Variants in THSD7B observed in about 807,000 individuals in gnomAD.
THSD7B encodes the protein thrombospondin type 1 domain containing 7B, also known as thrombospondin type-1 domain-containing protein 7B.
THSD7B carries 138 observed loss-of-function variants against 213.6 expected under a neutral mutation model. That is an observed-to-expected ratio of 0.65 (90% CI 0.56 to 0.74). The LOEUF (loss-of-function observed/expected upper bound fraction) is 0.74, where lower values mean the gene tolerates loss of function less well. Ranked by LOEUF, THSD7B falls within the 30% of genes least tolerant of loss-of-function variation. The pLI is 0.00. For missense variants in THSD7B, 1,931 were observed against 1,991.5 expected (o/e 0.97, Z 0.58); for synonymous variants, 742 against 687.0 (o/e 1.08, Z -1.25).
chr2:137,392,565 C>T (rs577187087), intron 12 of THSD7B, among the ~76,000 whole-genome samples: 1 of 152,206 alleles, frequency 6.6e-6, no homozygotes, highest in East Asian at 1.9e-4. Flanking sequence ...TATAGCTACT[C>T]TGCTCCCTTC....
chr2:137,486,552 T>A (rs943504075), intron 15 of THSD7B, among the ~76,000 whole-genome samples: 4 of 149,318 alleles, frequency 2.7e-5, no homozygotes, highest in African/African-American at 7.4e-5. Context: ...TGGGAGACTT[T>A]AACACCCCAC....
intron 12 of THSD7B, among the ~76,000 whole-genome samples, chr2:137,389,228 T>C (rs1685961705): frequency 1.7e-5 from 2 of 118,086 alleles, no homozygotes; most frequent in South Asian, 2.9e-4. Context: ...GACAAAATAA[T>C]ATATATATAT....
At chr2:137,130,449 A>T (rs1418627803) in intron 5 of THSD7B, among the ~76,000 whole-genome samples, 4 of 151,818 alleles carry the variant, frequency 2.6e-5, no homozygotes, top group African/African-American at 7.3e-5. Context: ...ACATATGTAT[A>T]CATGTGTCAT....
At chr2:137,515,750 T>TA (rs139334152) in intron 15 of THSD7B, among the ~76,000 whole-genome samples, 39,044 of 152,032 alleles carry the variant, frequency 0.26, 5,174 homozygotes, top group South Asian at 0.3. Context: ...AAATATAGAT[T>TA]AAAGATGACT....
intron 12 of THSD7B, among the ~76,000 whole-genome samples, chr2:137,356,883 T>C (rs979967619): frequency 6.6e-6 from 1 of 151,768 alleles, no homozygotes; most frequent in Non-Finnish European, 1.5e-5. Context: ...AGTAATACAG[T>C]GTCAATACCT....
chr2:137,318,937 C>A (rs547757069), intron 12 of THSD7B, among the ~76,000 whole-genome samples: 1 of 151,264 alleles, frequency 6.6e-6, no homozygotes, highest in African/African-American at 2.4e-5. Flanking sequence ...CACAGGCACC[C>A]GCTTATCTTA....
At chr2:136,915,852 C>A (rs1684339503) in intron 2 of THSD7B, among the ~76,000 whole-genome samples, 2 of 152,150 alleles carry the variant, frequency 1.3e-5, no homozygotes, top group South Asian at 4.1e-4. Context: ...TCAACAACAA[C>A]AAAAGGAGAT....
intron 5 of THSD7B, among the ~76,000 whole-genome samples, chr2:137,116,863 C>T (rs1436980046): frequency 6.6e-6 from 1 of 152,070 alleles, no homozygotes; most frequent in African/African-American, 2.4e-5. Context: ...AGCCCGAGTA[C>T]AATCTACTCC....
At chr2:137,331,707 G>T (rs1236017796) in intron 12 of THSD7B, among the ~76,000 whole-genome samples, 2 of 152,188 alleles carry the variant, frequency 1.3e-5, no homozygotes, top group Admixed American at 6.5e-5. Context: ...CATGGAGGGG[G>T]TGGGAGACTC....
chr2:137,325,231 A>G (rs1684344591), intron 12 of THSD7B, among the ~76,000 whole-genome samples: 1 of 152,072 alleles, frequency 6.6e-6, no homozygotes, highest in Non-Finnish European at 1.5e-5. Context: ...CATCTGGGCC[A>G]TCTCTGAATG....
intron 20 of THSD7B, among the ~76,000 whole-genome samples, chr2:137,622,850 C>T (rs2104844591): frequency 6.6e-6 from 1 of 152,014 alleles, no homozygotes; most frequent in Non-Finnish European, 1.5e-5. Context: ...GACTACCAAC[C>T]AAAAAAAGTC....
intron 2 of THSD7B, among the ~76,000 whole-genome samples, chr2:136,954,287 G>A (rs778338227): frequency 3.3e-5 from 5 of 152,148 alleles, no homozygotes; most frequent in African/African-American, 4.8e-5. Flanking sequence ...TTTAAGCTGC[G>A]AGTTGAAGAA....
intron 12 of THSD7B, among the ~76,000 whole-genome samples, chr2:137,337,965 T>C (rs904014477): frequency 6.6e-6 from 1 of 152,106 alleles, no homozygotes; most frequent in South Asian, 2.1e-4. Flanking sequence ...AACACTAATC[T>C]GGTTATTTAG....
At chr2:137,567,881 G>C (rs1199937716) in intron 16 of THSD7B, among the ~76,000 whole-genome samples, 5 of 152,174 alleles carry the variant, frequency 3.3e-5, no homozygotes, top group African/African-American at 1.2e-4. Context: ...GGCACCATTA[G>C]CTTATAAATT....
intron 9 of THSD7B, among the ~76,000 whole-genome samples, chr2:137,240,781 T>A (rs1681882298): frequency 6.6e-6 from 1 of 152,178 alleles, no homozygotes; most frequent in Non-Finnish European, 1.5e-5. Context: ...TCCCAAAGCG[T>A]TGGGATTACT....
At chr2:137,379,123 C>A (rs1685721507) in intron 12 of THSD7B, among the ~76,000 whole-genome samples, 1 of 152,164 alleles carries the variant, frequency 6.6e-6, no homozygotes, top group Admixed American at 6.5e-5. Flanking sequence ...TCTGCATTTT[C>A]TGGTCTTGTA....
chr2:136,876,380 A>G (rs1683526505), intron 1 of THSD7B, among the ~76,000 whole-genome samples: 1 of 152,328 alleles, frequency 6.6e-6, no homozygotes, highest in East Asian at 1.9e-4. Flanking sequence ...AACTGCCTCA[A>G]TGGCATATAT....
chr2:137,654,145 A>T (rs945436569), intron 21 of THSD7B, among the ~76,000 whole-genome samples: 9 of 152,012 alleles, frequency 5.9e-5, no homozygotes, highest in African/African-American at 2.2e-4. Context: ...TCTTTTTAGC[A>T]CTATATAGCA....
intron 7 of THSD7B, among the ~76,000 whole-genome samples, chr2:137,221,884 TTG>T (rs1433821339): frequency 1.3e-5 from 2 of 152,210 alleles, no homozygotes; most frequent in African/African-American, 2.4e-5. Context: ...TCTAGATAAT[TTG>T]AAGTACTTTG....
Sources: gnomAD v4.1 joint callset for allele counts (sites outside exome capture counted in the v4.1 genomes callset) on GRCh38, gnomAD v4.1.1 for gene constraint, MANE v1.5 for transcripts, NCBI Gene and HGNC (gene_info 2026-07-23, HGNC 2026-07-21) for gene names.